The following SUMF1 variants were observed in gnomAD, a reference collection of about 807,000 sequenced individuals.
The protein encoded by SUMF1 is sulfatase modifying factor 1, also known as formylglycine-generating enzyme.
A neutral mutation model predicts 47.6 loss-of-function variants in SUMF1; 48 were observed. The ratio of observed to expected loss-of-function variants is 1.01; its 90% CI spans 0.80 to 1.28. SUMF1 has a LOEUF of 1.28. Among genes scored for constraint, SUMF1 ranks in the 50% most tolerant of loss-of-function variants. SUMF1 has a pLI of 0.00. For missense variants in SUMF1, 571 were observed against 485.4 expected (o/e 1.18, Z -1.66); for synonymous variants, 230 against 192.1 (o/e 1.20, Z -1.63).
intron 3 of SUMF1, among the ~76,000 whole-genome samples, chr3:4,436,767 C>G (rs1197286099): frequency 6.6e-6 from 1 of 150,588 alleles, no homozygotes; most frequent in East Asian, 2.0e-4. Context: ...CCCAGTGAAA[C>G]TCAAGCAGGA....
intron 5 of SUMF1, among the ~76,000 whole-genome samples, 188 bp downstream of exon 5, chr3:4,417,822 T>A (rs1701763320): frequency 6.6e-6 from 1 of 152,170 alleles, no homozygotes; most frequent in Non-Finnish European, 1.5e-5. Context: ...AGACACTTGG[T>A]TTAGGGGTGA....
rs76799829 is a variant in SUMF1 at position 4,162,627 on chromosome 3, T to C, written c.1015-93882A>G. Among the ~76,000 whole-genome samples, 48 of 152,270 alleles carry C rather than the reference T, an allele frequency of 3.2e-4. No individual in the cohort carries two copies. The East Asian group carries it at 9.1e-3, about 29-fold the overall frequency. Reference sequence around the variant, plus strand: ...AATGTAAAGTCCTTCAGTCACTGCATTGTCCTCCCACAAGCATACATATTC... The same window carrying C: ...AATGTAAAGTCCTTCAGTCACTGCACTGTCCTCCCACAAGCATACATATTC... On this transcript the variant is annotated intron_variant and NMD_transcript_variant, in intron 8 of 12. Transcript: ENST00000448413.
intron 8 of SUMF1, among the ~76,000 whole-genome samples, chr3:4,206,115 T>C (rs1183842473): frequency 4.0e-5 from 6 of 151,686 alleles, no homozygotes; most frequent in Non-Finnish European, 7.4e-5. Context: ...TTATTTAATA[T>C]GGCTAAGCCA....
At chr3:4,115,515 T>G in intron 8 of SUMF1, among the ~76,000 whole-genome samples, 1 of 151,858 alleles carries the variant, frequency 6.6e-6, no homozygotes, top group East Asian at 1.9e-4. Flanking sequence ...CTGTAGACAA[T>G]CAACCGTAGA....
intron 8 of SUMF1, among the ~76,000 whole-genome samples, chr3:4,121,609 A>G (rs1253059574): frequency 6.6e-6 from 1 of 152,174 alleles, no homozygotes; most frequent in East Asian, 1.9e-4. Flanking sequence ...TTAAACATAT[A>G]GTTACCATTA....
intron 8 of SUMF1, among the ~76,000 whole-genome samples, chr3:4,110,618 A>C (rs113739223): frequency 1.3e-5 from 2 of 152,110 alleles, no homozygotes; most frequent in African/African-American, 4.8e-5. Flanking sequence ...GATAGACTGG[A>C]TTAAGAAAAT....
At chr3:4,180,835 A>T (rs1695080964) in intron 8 of SUMF1, among the ~76,000 whole-genome samples, 1 of 152,084 alleles carries the variant, frequency 6.6e-6, no homozygotes, top group Non-Finnish European at 1.5e-5. Context: ...CCTTGGTGAC[A>T]GAGTGAAACC....
At chr3:4,229,400 G>A in intron 8 of SUMF1, 1 of 359,630 alleles carries the variant, frequency 2.8e-6, no homozygotes, top group South Asian at 2.2e-5. Flanking sequence ...ACAAGAGCAT[G>A]TCTTAGCCAT....
chr3:4,287,342 T>C (rs1189565103), intron 8 of SUMF1, among the ~76,000 whole-genome samples: 1 of 151,920 alleles, frequency 6.6e-6, no homozygotes, highest in Admixed American at 6.6e-5. Flanking sequence ...ACAGTAAAGA[T>C]TCAAAAAACT....
At chr3:4,229,364 A>G in intron 8 of SUMF1, 1 of 406,536 alleles carries the variant, frequency 2.5e-6, no homozygotes, top group Non-Finnish European at 4.9e-6. Context: ...AAATGTCCAC[A>G]GCCCCAAAAG....
intron 8 of SUMF1, among the ~76,000 whole-genome samples, chr3:4,176,733 C>T (rs1397467552): frequency 1.3e-5 from 2 of 152,130 alleles, no homozygotes; most frequent in Non-Finnish European, 2.9e-5. Context: ...CATTAAAAGA[C>T]ACAGACTGGC....
chr3:4,097,748 C>A (rs1489716333), intron 8 of SUMF1, among the ~76,000 whole-genome samples: 1 of 152,094 alleles, frequency 6.6e-6, no homozygotes, highest in East Asian at 1.9e-4. Flanking sequence ...CCTCTGCAAA[C>A]CATGTTTAAG....
At chr3:4,077,600 C>G (rs2675203) in intron 8 of SUMF1, among the ~76,000 whole-genome samples, 100,608 of 151,748 alleles carry the variant, frequency 0.66, 33,696 homozygotes, top group Non-Finnish European at 0.69. Flanking sequence ...AGTGGGAGTT[C>G]AACAATGAGA....
At chr3:4,371,990 T>A (rs1279120294) in intron 8 of SUMF1, among the ~76,000 whole-genome samples, 1 of 152,182 alleles carries the variant, frequency 6.6e-6, no homozygotes, top group Non-Finnish European at 1.5e-5. Context: ...TTTCAAAAAA[T>A]TATGAATGAT....
chr3:4,287,404 T>C (rs1346614892), intron 8 of SUMF1, among the ~76,000 whole-genome samples: 1 of 105,798 alleles, frequency 9.5e-6, no homozygotes, highest in African/African-American at 4.3e-5. Flanking sequence ...TGAACATAAA[T>C]TGTAAAAAAA....
intron 8 of SUMF1, among the ~76,000 whole-genome samples, chr3:4,103,752 A>G (rs538188693): frequency 4.7e-4 from 71 of 152,204 alleles, no homozygotes; most frequent in African/African-American, 1.7e-3. Flanking sequence ...TAGACAAACC[A>G]CCATGATTAC....
intron 8 of SUMF1, among the ~76,000 whole-genome samples, chr3:4,244,863 C>T (rs530073977): frequency 6.6e-6 from 1 of 152,098 alleles, no homozygotes; most frequent in Non-Finnish European, 1.5e-5. Context: ...TTCCATTCTC[C>T]CCATACACCA....
At chr3:4,245,068 A>C (rs1696631518) in intron 8 of SUMF1, among the ~76,000 whole-genome samples, 1 of 151,782 alleles carries the variant, frequency 6.6e-6, no homozygotes, top group Admixed American at 6.6e-5. Flanking sequence ...AAGTTCTTGT[A>C]CTGTGGTTTT....
chr3:4,117,172 G>A (rs557973308), intron 8 of SUMF1, among the ~76,000 whole-genome samples: 8 of 152,098 alleles, frequency 5.3e-5, no homozygotes, highest in South Asian at 4.2e-4. Flanking sequence ...GGGAATTATG[G>A]CTTTTTTATA....
Sources: gnomAD v4.1 joint callset for allele counts (sites outside exome capture counted in the v4.1 genomes callset) on GRCh38, gnomAD v4.1.1 for gene constraint, MANE v1.5 for transcripts, NCBI Gene and HGNC (gene_info 2026-07-23, HGNC 2026-07-21) for gene names.